Variants in GLS observed in about 807,000 individuals in gnomAD.
The protein encoded by GLS is glutaminase, also known as glutaminase kidney isoform, mitochondrial.
GLS carries 36 observed loss-of-function variants against 86.7 expected under a neutral mutation model. The observed-to-expected ratio is 0.42, with a 90% CI of 0.32 to 0.55. The LOEUF (loss-of-function observed/expected upper bound fraction) is 0.55. Ranked by LOEUF, GLS falls within the 20% of genes least tolerant of loss-of-function variation. The pLI is 0.17. For synonymous variants in GLS, 317 were observed against 305.9 expected, an observed-to-expected ratio of 1.04 and a Z score of -0.38; for missense variants, 528 against 833.4, an observed-to-expected ratio of 0.63 and a Z score of 4.51.
chr2:190,960,359 A>ATTTTTTTTTTTTTTTTTTTTTTTTTTTT (rs770419477), intron 17 of GLS, among the ~76,000 whole-genome samples: 1 of 101,486 alleles, frequency 9.9e-6, no homozygotes, highest in Non-Finnish European at 1.9e-5. Context: ...TTAAGCTTCA[A>ATTTTTTTTTTTTTTTTTTTTTTTTTTTT]TTTTTTTTTT....
chr2:190,960,335 T>C (rs1358667162), intron 17 of GLS, among the ~76,000 whole-genome samples: 1 of 151,414 alleles, frequency 6.6e-6, no homozygotes. Flanking sequence ...TTAGCTGTAT[T>C]GTGTTTCTGT....
intron 12 of GLS, among the ~76,000 whole-genome samples, chr2:190,929,718 C>T (rs1690036194): frequency 6.6e-6 from 1 of 152,124 alleles, no homozygotes. Context: ...GATCTGCCCA[C>T]CTCGGCCTCC....
rs1483197970 is a variant in GLS at position 190,914,039 on chromosome 2, A to G, written c.1038+3718A>G. 6.6e-6 allele frequency among the ~76,000 whole-genome samples: 1 copy of G among 152,130 alleles called. No homozygotes were observed. On this transcript the variant is annotated intron_variant, in intron 7 of 17. Coordinates refer to ENST00000320717, the MANE Select transcript of GLS (RefSeq NM_014905.5). The surrounding 1 kb of genome is among the most constrained non-coding windows in gnomAD (Gnocchi z 4.4). The stretch of plus-strand genomic sequence containing the variant: ...ACTCCTGGCCTAAAGTGATCCTCCA[A>G]GTTTGGCCTCCCAAAATGCTGGGAT...
chr2:190,922,717 C>G (rs530859788), intron 9 of GLS, among the ~76,000 whole-genome samples: 1 of 151,946 alleles, frequency 6.6e-6, no homozygotes, highest in Admixed American at 6.6e-5. Context: ...TTTAAAAGTA[C>G]GGCAAATTGA....
intron 14 of GLS, among the ~76,000 whole-genome samples, chr2:190,932,166 G>A (rs1433829857): frequency 1.3e-5 from 2 of 151,854 alleles, no homozygotes; most frequent in African/African-American, 2.4e-5. Context: ...TTTTTCCACC[G>A]TGTTTAATGC....
At chr2:190,898,518 G>A (rs1688826747) in intron 3 of GLS, among the ~76,000 whole-genome samples, 1 of 152,152 alleles carries the variant, frequency 6.6e-6, no homozygotes, top group Non-Finnish European at 1.5e-5. Flanking sequence ...AGGCAAAATT[G>A]GCTTTGTCAG....
intron 1 of GLS, among the ~76,000 whole-genome samples, chr2:190,887,651 CTA>C (rs1174432422): frequency 1.3e-5 from 2 of 151,970 alleles, no homozygotes; most frequent in African/African-American, 4.8e-5. Context: ...TTTTTAAGCT[CTA>C]TGAGGAACTT....
chr2:190,910,339 C>T lies in GLS; in HGVS notation c.1038+18C>T, dbSNP rs764441169. 1 of 1,439,360 alleles carries T rather than the reference C, an allele frequency of 6.9e-7. No individual in the cohort carries two copies. The highest frequency in any genetic ancestry group is 1.8e-5 in the Admixed American group (1 of 55,642). 89.2% of individuals were successfully genotyped at this position (1,439,360 alleles called of 1,614,324 possible). ...TAATAAAGGTAAAATGTTGATGTTT[C>T]ATTTTAACCTAGTAAAACTTTTTTT... On this transcript the variant is annotated intron_variant, in intron 7 of 17. Coordinates refer to ENST00000320717, the MANE Select transcript of GLS (RefSeq NM_014905.5).
intron 17 of GLS, among the ~76,000 whole-genome samples, chr2:190,957,830 C>T (rs932394916): frequency 6.6e-5 from 10 of 152,212 alleles, no homozygotes; most frequent in Middle Eastern, 3.4e-3. Flanking sequence ...TGAGGATTTT[C>T]GCATCAATAT....
rs1490034547 is a variant in GLS, at chr2:190,956,952, T to C, written c.1853+2134T>C. On this transcript the variant is annotated intron_variant, in intron 17 of 17. Transcript: ENST00000320717. This position sits in a 1 kb window ranked among gnomAD's most constrained non-coding sequence, Gnocchi z 4.2. ...ATGCCTGTGATTTTTGCACATTGATTTTGTATCTTGAGACTTTGCTGAAGT... is the reference window on the plus strand; with the variant it reads ...ATGCCTGTGATTTTTGCACATTGATCTTGTATCTTGAGACTTTGCTGAAGT... Among the ~76,000 whole-genome samples, 1 of 152,202 alleles carries C rather than the reference T, an allele frequency of 6.6e-6. No homozygotes were observed. Among genetic ancestry groups the C allele is most frequent in the African/African-American group, 2.4e-5 (1 of 41,446 alleles).
chr2:190,934,661 T>C, intron 14 of GLS: 1 of 981,806 alleles, frequency 1.0e-6, no homozygotes, highest in Non-Finnish European at 1.2e-6. Context: ...AAGTTGGTTT[T>C]ACTTTATTAA....
At chr2:190,890,636 G>T (rs986178516) in intron 1 of GLS, among the ~76,000 whole-genome samples, 1 of 152,118 alleles carries the variant, frequency 6.6e-6, no homozygotes, top group Non-Finnish European at 1.5e-5. Flanking sequence ...TAATCTGCCA[G>T]TTTGCTGGTG....
In GLS at chr2:190,949,079, C is replaced by T. The variant is rs759017416; in HGVS notation, c.1651-4486C>T. Among the ~76,000 whole-genome samples the T allele has an allele frequency of 1.3e-5, 2 of 151,646 alleles. No individual in the cohort carries two copies. Among genetic ancestry groups the T allele is most frequent in the Non-Finnish European group, 2.9e-5 (2 of 68,000 alleles). On this transcript the variant is annotated intron_variant, in intron 14 of 17. Coordinates refer to ENST00000320717, the MANE Select transcript of GLS (RefSeq NM_014905.5). The surrounding 1 kb of genome is among the most constrained non-coding windows in gnomAD (Gnocchi z 4.0). Reference sequence around the variant, plus strand: ...GGAAGGGAAGGATTTGATTAGGAATCTGGGTGTTCTTAAGAGCATAGACAC... The same window carrying T: ...GGAAGGGAAGGATTTGATTAGGAATTTGGGTGTTCTTAAGAGCATAGACAC...
chr2:190,934,638 C>T (rs1201574383), intron 14 of GLS: 2 of 983,902 alleles, frequency 2.0e-6, no homozygotes, highest in Non-Finnish European at 2.4e-6. Context: ...TTACATTTTA[C>T]CATTTCATTC....
chr2:190,946,801 G>A (rs905513844), intron 14 of GLS, among the ~76,000 whole-genome samples: 2 of 151,900 alleles, frequency 1.3e-5, no homozygotes, highest in African/African-American at 4.8e-5. Flanking sequence ...TAATCCGTTG[G>A]TTTCCTTCTG....
chr2:190,911,783 T>A (rs150749141), intron 7 of GLS, among the ~76,000 whole-genome samples: 2 of 152,052 alleles, frequency 1.3e-5, no homozygotes, highest in East Asian at 3.8e-4. Flanking sequence ...CAGAAAAATA[T>A]CCACATACCA....
chr2:190,894,575 G>C (rs114355310), intron 1 of GLS, among the ~76,000 whole-genome samples: 3,520 of 152,216 alleles, frequency 0.023, 56 homozygotes, highest in Non-Finnish European at 0.04. Flanking sequence ...CCCTTTCTCA[G>C]ATGAGGAAAC....
At chr2:190,916,721 C>T (rs567342104) in intron 7 of GLS, among the ~76,000 whole-genome samples, 14 of 152,130 alleles carry the variant, frequency 9.2e-5, no homozygotes, top group African/African-American at 3.4e-4. Flanking sequence ...AGGCATACCT[C>T]AGAGATATTG....
chr2:190,931,302 T>C (rs1261302882), intron 13 of GLS, among the ~76,000 whole-genome samples: 1 of 152,166 alleles, frequency 6.6e-6, no homozygotes, highest in African/African-American at 2.4e-5. Flanking sequence ...AACCCTATTT[T>C]GTAGAAGATG....
Sources: allele counts gnomAD v4.1 joint callset (sites outside exome capture counted in the v4.1 genomes callset), GRCh38; gene constraint gnomAD v4.1.1; non-coding constraint Gnocchi (gnomAD v3.1); transcripts MANE v1.5; gene names NCBI Gene and HGNC (gene_info 2026-07-23, HGNC 2026-07-21).